The following ABCA3 variants were observed in gnomAD, a reference collection of about 807,000 sequenced individuals.
The protein encoded by ABCA3 is ATP binding cassette subfamily A member 3.
ABCA3 carries 88 observed loss-of-function variants against 172.8 expected under a neutral mutation model. The observed-to-expected ratio is 0.51, with a 90% CI of 0.43 to 0.61. ABCA3 has a LOEUF of 0.61. ABCA3 is among the 20% of genes least tolerant of loss of function. The pLI is 0.00. For synonymous variants in ABCA3, 1,066 were observed against 983.8 expected (o/e 1.08, Z -1.56); for missense variants, 2,164 against 2,301.0 (o/e 0.94, Z 1.22).
chr16:2,313,030 G>C (rs781671479), intron 10 of ABCA3, among the ~76,000 whole-genome samples: 2 of 151,750 alleles, frequency 1.3e-5, no homozygotes, highest in Non-Finnish European at 2.9e-5. Flanking sequence ...ACTCCAGCCT[G>C]GGCAACAGAA....
rs955909963 is a variant in ABCA3, at chr16:2,285,148, C to T, written c.3484-150G>A. 2.5e-5 allele frequency: 24 copies of T among 966,828 alleles called. No homozygotes were observed. Among genetic ancestry groups the T allele is most frequent in the African/African-American group, 1.8e-4 (11 of 61,920 alleles). 59.9% of individuals were successfully genotyped at this position (966,828 alleles called of 1,614,324 possible). On this transcript the variant is annotated intron_variant, in intron 23 of 32. Coordinates refer to ENST00000301732, the MANE Select transcript of ABCA3 (RefSeq NM_001089.3). The surrounding 1 kb of genome is among the most constrained non-coding windows in gnomAD (Gnocchi z 4.7). ...AGCCCCACAGGCCACGTCTGGCCCC[C>T]GCGGTGGCTTTCAGCCCCAGGACCC... is the stretch of plus-strand genomic sequence containing the variant.
At chr16:2,291,401 C>A (rs370848572) in intron 19 of ABCA3, among the ~76,000 whole-genome samples, 1 of 152,056 alleles carries the variant, frequency 6.6e-6, no homozygotes, top group Non-Finnish European at 1.5e-5. Context: ...TCGCCTGCCT[C>A]GGCCTCCCAA....
intron 10 of ABCA3, among the ~76,000 whole-genome samples, chr16:2,311,384 G>A (rs2093706461): frequency 6.6e-6 from 1 of 152,152 alleles, no homozygotes; most frequent in South Asian, 2.1e-4. Context: ...GATATCTGTG[G>A]ATATTCTTCT....
intron 20 of ABCA3, 29 bp downstream of exon 20, chr16:2,289,405 G>GCCCCCCC: frequency 1.0e-6 from 1 of 994,940 alleles, no homozygotes; most frequent in Non-Finnish European, 1.5e-6. Context: ...CCCTTCCCCC[G>GCCCCCCC]CCACCCGCCC....
At position 2,283,334 on chromosome 16, in the gene ABCA3, T is replaced by C. The variant is rs1268251797; in HGVS notation, c.3887A>G (p.Tyr1296Cys). Residue 1296 changes from tyrosine (Y) to cysteine (C), a missense_variant, in exon 26 of 33, where the codon TAT (tyrosine) becomes TGT (cysteine). Around this residue, in one of 3 missense-constraint regions of ABCA3, gnomAD observed 795 missense variants for 881.9 expected, o/e 0.90. Coordinates refer to ENST00000301732, the MANE Select transcript of ABCA3 (RefSeq NM_001089.3). This position sits in a 1 kb window ranked among gnomAD's most constrained non-coding sequence, Gnocchi z 5.4. ...KYNIQYQENF[Y>C]AWSAPGVGRF... ...GCCGACCCCCGGGGCGCTCCAGGCA[T>C]AGAAGTTCTCCTGGTACTGGATGTC... is the stretch of plus-strand genomic sequence containing the variant. 6.2e-7 allele frequency: 1 copy of C among 1,613,008 alleles called. No individual in the cohort carries two copies.
At position 2,276,604 on chromosome 16, in the gene ABCA3, G is replaced by A; in HGVS notation, c.*70C>T. ...AAATAAAGGATGAGATAAACTTGGA[G>A]AGAGAGGATGTAAGATGGGCCCTGC... On this transcript the variant is annotated 3_prime_UTR_variant, in exon 33 of 33. Transcript: ENST00000301732. 1 of 1,594,066 alleles carries A rather than the reference G, an allele frequency of 6.3e-7. No homozygotes were observed. The highest frequency in any genetic ancestry group is 8.5e-7 in the Non-Finnish European group (1 of 1,172,320).
intron 10 of ABCA3, among the ~76,000 whole-genome samples, chr16:2,310,810 T>G (rs750357536): frequency 6.6e-6 from 1 of 151,720 alleles, no homozygotes; most frequent in Non-Finnish European, 1.5e-5. Flanking sequence ...TGTGAGTCAC[T>G]TGACCGGCTG....
intron 7 of ABCA3, 99 bp downstream of exon 7, chr16:2,323,424 T>A (rs978700869): frequency 8.7e-6 from 13 of 1,494,476 alleles, no homozygotes; most frequent in Non-Finnish European, 1.2e-5. Flanking sequence ...TGAAAAGTAT[T>A]TCTTCAAGAA....
At position 2,283,363 on chromosome 16, in the gene ABCA3, G is replaced by A; in HGVS notation, c.3863-5C>T. 6.2e-7 allele frequency: 1 copy of A among 1,612,222 alleles called. No individual in the cohort carries two copies. Among genetic ancestry groups the A allele is most frequent in the Non-Finnish European group, 8.5e-7 (1 of 1,179,670 alleles). On this transcript the variant is annotated splice_region_variant and splice_polypyrimidine_tract_variant and intron_variant, in intron 25 of 32. Transcript: ENST00000301732. The surrounding 1 kb of genome is among the most constrained non-coding windows in gnomAD (Gnocchi z 5.4). ...AGTTCTCCTGGTACTGGATGTCTGT[G>A]GGGCGAGGGAGTCACTGTGCCCCGA...
chr16:2,289,252 A>G, intron 20 of ABCA3, 182 bp downstream of exon 20: 1 of 697,010 alleles, frequency 1.4e-6, no homozygotes, highest in Middle Eastern at 4.0e-4. Context: ...CAGTTGCTCC[A>G]TTCAAACGCT....
In ABCA3 at chr16:2,287,237, T is replaced by A. The variant is rs967392589; in HGVS notation, c.3005-270A>T. On this transcript the variant is annotated intron_variant, in intron 21 of 32. Coordinates refer to ENST00000301732, the MANE Select transcript of ABCA3 (RefSeq NM_001089.3). The surrounding 1 kb of genome is among the most constrained non-coding windows in gnomAD (Gnocchi z 4.1). ...GTAGGTTCCATTAACCAGAGCACGGTCCCTGTTCTGAGCCTGGGGCAGTAT... is the reference window on the plus strand; with the variant it reads ...GTAGGTTCCATTAACCAGAGCACGGACCCTGTTCTGAGCCTGGGGCAGTAT... 2.6e-5 allele frequency among the ~76,000 whole-genome samples: 4 copies of A among 151,956 alleles called. No individual in the cohort carries two copies. Among genetic ancestry groups the A allele is most frequent in the Non-Finnish European group, 5.9e-5 (4 of 68,014 alleles).
chr16:2,313,552 C>CAAAAAAA (rs56389139), intron 10 of ABCA3, among the ~76,000 whole-genome samples: 5 of 61,808 alleles, frequency 8.1e-5, no homozygotes, highest in African/African-American at 6.4e-5. Context: ...GACTCTGTCA[C>CAAAAAAA]AAAAAAAAAA....
intron 12 of ABCA3, among the ~76,000 whole-genome samples, chr16:2,301,195 T>C (rs323037): frequency 0.4 from 58,759 of 146,946 alleles, 11,724 homozygotes; most frequent in Admixed American, 0.49. Context: ...GGCACCACTG[T>C]ACTCCAGCCT....
chr16:2,331,154 G>C lies in ABCA3; in HGVS notation c.-538-1300C>G, dbSNP rs911830749. Among the ~76,000 whole-genome samples, 4 of 152,004 alleles carry C rather than the reference G, an allele frequency of 2.6e-5. No individual in the cohort carries two copies. The South Asian group carries it at 8.3e-4, about 32-fold the overall frequency. On this transcript the variant is annotated intron_variant, in intron 1 of 32. Transcript: ENST00000301732. ...ATATCACTCCTAGAACATAACATCA[G>C]AAACTGAAAGGTAAAAAAGACCCCT...
rs182909111 is a variant in ABCA3 at position 2,279,069 on chromosome 16, C to T, written c.4421G>A (p.Arg1474Gln). ...CCGAGCGTACATGACCAGCATCTCC[C>T]GGCCTGTCATGTGGTCCAGCAAGGC... ...FDALLDHMTG[R>Q]EMLVMYARLR... The change falls in exon 29 of 33, where the codon CGG becomes CAG. Residue 1474 changes from arginine to glutamine, a missense_variant. By Grantham distance (43) the Arg-to-Gln change is conservative (BLOSUM62 1). Coordinates refer to ENST00000301732, the MANE Select transcript of ABCA3 (RefSeq NM_001089.3). This position sits in a 1 kb window ranked among gnomAD's most constrained non-coding sequence, Gnocchi z 4.4. 3.2e-5 allele frequency: 51 copies of T among 1,613,160 alleles called. No individual in the cohort carries two copies. The highest frequency in any genetic ancestry group is 4.0e-5 in the African/African-American group (3 of 75,066).
rs749378670 is a variant in ABCA3, at chr16:2,298,514, C to T, written c.1768G>A (p.Ala590Thr). 3.7e-6 allele frequency: 6 copies of T among 1,613,890 alleles called. No individual in the cohort carries two copies. Among genetic ancestry groups the T allele is most frequent in the South Asian group, 1.1e-5 (1 of 91,078 alleles). ...GAAATTTCATACCCGCTGATGTATGCCCGTCCACTGGTGGGGGGAAAGAGA... is the reference window on the plus strand; with the variant it reads ...GAAATTTCATACCCGCTGATGTATGTCCGTCCACTGGTGGGGGGAAAGAGA... ...TGLFPPTSGR[A>T]YISGYEISQD... Residue 590 changes from alanine to threonine, a missense_variant, in exon 15 of 33, where the codon GCA becomes ACA. By Grantham distance (58) the Ala-to-Thr change is moderately conservative. Coordinates refer to ENST00000301732, the MANE Select transcript of ABCA3 (RefSeq NM_001089.3).
chr16:2,338,510 T>A (rs1390332801), intron 1 of ABCA3, among the ~76,000 whole-genome samples: 1 of 152,144 alleles, frequency 6.6e-6, no homozygotes, highest in Admixed American at 6.5e-5. Context: ...CCCCTGGAGA[T>A]TCTGGGCTGT....
Position 2,297,776 on chromosome 16 carries a change from G to T in ABCA3, c.2042C>A (p.Ala681Glu). Reference sequence around the variant, plus strand: ...GTCCCACCGCCACACCTTGGAGCCTGCGATGAGGGCGATGCCGATGGAGAG... The same window carrying T: ...GTCCCACCGCCACACCTTGGAGCCTTCGATGAGGGCGATGCCGATGGAGAG... Reference protein sequence around the residue: ...RKLSIGIALIAGSKVLILDEP... With the variant: ...RKLSIGIALIEGSKVLILDEP... Residue 681 changes from alanine (A) to glutamate (E), a missense_variant, in exon 16 of 33, where the codon GCA (alanine) becomes GAA (glutamate). Physicochemically the swap from Ala to Glu is moderately radical, Grantham distance 107. This residue lies in a region of ABCA3 where 1,343 missense variants were observed against 1,369.6 expected (regional missense o/e 0.98). Transcript: ENST00000301732. This position sits in a 1 kb window ranked among gnomAD's most constrained non-coding sequence, Gnocchi z 5.6. 6.2e-7 allele frequency: 1 copy of T among 1,612,188 alleles called. No individual in the cohort carries two copies. The highest frequency in any genetic ancestry group is 1.1e-5 in the South Asian group (1 of 91,056).
chr16:2,293,111 G>A (rs2093674616), intron 18 of ABCA3, among the ~76,000 whole-genome samples: 1 of 151,872 alleles, frequency 6.6e-6, no homozygotes, highest in African/African-American at 2.4e-5. Context: ...CAGTGCAGTG[G>A]CACAGTCTCG....
Sources: allele counts gnomAD v4.1 joint callset (sites outside exome capture counted in the v4.1 genomes callset), GRCh38; gene constraint gnomAD v4.1.1; regional missense constraint gnomAD v4.1.1; non-coding constraint Gnocchi (gnomAD v3.1); transcripts MANE v1.5; gene names NCBI Gene and HGNC (gene_info 2026-07-23, HGNC 2026-07-21).